The following RBFOX1 variants were observed in gnomAD, a reference collection of about 807,000 sequenced individuals.
RBFOX1 encodes the protein RNA binding fox-1 homolog 1.
In RBFOX1, 8 loss-of-function variants were observed where a neutral mutation model predicts 57.7. The ratio of observed to expected loss-of-function variants is 0.14; its 90% CI spans 0.08 to 0.25. The LOEUF (loss-of-function observed/expected upper bound fraction) is 0.25, where lower values mean the gene tolerates loss of function less well. RBFOX1 is among the 10% of genes least tolerant of loss of function. The probability of loss-of-function intolerance (pLI) is 1.00; values close to 1 mark genes in which losing one functional copy is unlikely to be tolerated. For missense variants in RBFOX1, 611 were observed against 548.5 expected (o/e 1.11, Z -1.14); for synonymous variants, 326 against 222.4 (o/e 1.47, Z -4.15).
At chr16:7,462,912 G>T (rs1376487766) in intron 4 of RBFOX1, among the ~76,000 whole-genome samples, 1 of 152,190 alleles carries the variant, frequency 6.6e-6, no homozygotes, top group East Asian at 1.9e-4. Flanking sequence ...CTCATTCCAT[G>T]AGACTGGGCC....
At chr16:6,465,884 T>TTGTGTGTGTGTGTG (rs111917166) in intron 2 of RBFOX1, among the ~76,000 whole-genome samples, 1,725 of 146,302 alleles carry the variant, frequency 0.012, 23 homozygotes, top group African/African-American at 0.036. Context: ...ATTTGTGTGT[T>TTGTGTGTGTGTGTG]TGTGTGTGTG....
intron 2 of RBFOX1, among the ~76,000 whole-genome samples, chr16:6,453,287 G>A (rs948690687): frequency 7.2e-4 from 110 of 152,040 alleles, no homozygotes; most frequent in Non-Finnish European, 2.9e-4. Context: ...GACAGGCCCC[G>A]GTGTGTGATG....
intron 1 of RBFOX1, among the ~76,000 whole-genome samples, chr16:6,094,676 C>T (rs1811528800): frequency 6.6e-6 from 1 of 152,190 alleles, no homozygotes; most frequent in Non-Finnish European, 1.5e-5. Flanking sequence ...ACAGGCATTG[C>T]ATCTTATCCT....
chr16:7,123,295 A>T (rs924329206), intron 4 of RBFOX1, among the ~76,000 whole-genome samples: 4 of 152,184 alleles, frequency 2.6e-5, no homozygotes, highest in African/African-American at 4.8e-5. Flanking sequence ...ATTCCTGGCA[A>T]ACATTACACA....
chr16:5,476,025 A>T (rs1427362708), intron 2 of RBFOX1, among the ~76,000 whole-genome samples: 1 of 152,080 alleles, frequency 6.6e-6, no homozygotes, highest in Non-Finnish European at 1.5e-5. Context: ...TATTTATACC[A>T]AGCAGCTCAT....
Position 5,942,208 on chromosome 16 carries a change from A to G in RBFOX1, c.351+74873A>G, listed in dbSNP as rs145636249. 1.0e-2 allele frequency among the ~76,000 whole-genome samples: 1,515 copies of G among 152,190 alleles called. 33 individuals carry two copies. Among genetic ancestry groups the G allele is most frequent in the African/African-American group, 0.035 (1,436 of 41,532 alleles). Reference sequence around the variant, plus strand: ...TAAATGGGAGACTGGAGTTTTTTTTATTACTCAAAGCAGCCTCTCCATAGT... The same window carrying G: ...TAAATGGGAGACTGGAGTTTTTTTTGTTACTCAAAGCAGCCTCTCCATAGT... On this transcript the variant is annotated intron_variant, in intron 4 of 19. Coordinates refer to the RBFOX1 transcript ENST00000641259.
intron 4 of RBFOX1, among the ~76,000 whole-genome samples, chr16:7,056,277 C>T (rs2052228923): frequency 6.6e-6 from 1 of 152,192 alleles, no homozygotes; most frequent in Non-Finnish European, 1.5e-5. Context: ...TTGTTACGCA[C>T]ACTACACAAC....
chr16:6,502,613 T>A (rs1217260087), intron 2 of RBFOX1, among the ~76,000 whole-genome samples: 1 of 152,076 alleles, frequency 6.6e-6, no homozygotes, highest in African/African-American at 2.4e-5. Flanking sequence ...GAGGGAGAGG[T>A]GCCATCCATG....
intron 4 of RBFOX1, among the ~76,000 whole-genome samples, chr16:7,076,813 C>T (rs1159067463): frequency 1.3e-5 from 2 of 152,164 alleles, no homozygotes; most frequent in African/African-American, 4.8e-5. Context: ...ACTCATATAC[C>T]TCCTGTGAGC....
intron 2 of RBFOX1, among the ~76,000 whole-genome samples, chr16:6,547,548 A>G (rs923443249): frequency 6.6e-6 from 1 of 152,102 alleles, no homozygotes; most frequent in African/African-American, 2.4e-5. Flanking sequence ...TATTCATGAA[A>G]TCTTCCTCCT....
chr16:5,401,753 C>G (rs975902375), intron 1 of RBFOX1, among the ~76,000 whole-genome samples: 1 of 131,148 alleles, frequency 7.6e-6, no homozygotes, highest in Admixed American at 7.6e-5. Context: ...CTCTCTCTCT[C>G]TCCCTGTCTC....
rs2058307856 is a variant in RBFOX1 at position 7,076,408 on chromosome 16, G to T, written c.27+24310G>T. On this transcript the variant is annotated intron_variant, in intron 4 of 15. Transcript: ENST00000550418. Reference sequence around the variant, plus strand: ...CGAGTCTTTGTCAAAACCAGCAAAAGAAAAGACCAAGAAGAGTCCCATGCT... The same window carrying T: ...CGAGTCTTTGTCAAAACCAGCAAAATAAAAGACCAAGAAGAGTCCCATGCT... 2.0e-5 allele frequency among the ~76,000 whole-genome samples: 3 copies of T among 151,918 alleles called. No individual in the cohort carries two copies. The South Asian group carries it at 6.3e-4, about 32-fold the overall frequency.
intron 2 of RBFOX1, among the ~76,000 whole-genome samples, chr16:6,321,466 G>A (rs1349061908): frequency 6.6e-6 from 1 of 152,144 alleles, no homozygotes; most frequent in East Asian, 1.9e-4. Flanking sequence ...TGTTCCATAT[G>A]TTCTGCTTCC....
At chr16:5,999,579 C>T (rs913395617) in intron 4 of RBFOX1, among the ~76,000 whole-genome samples, 11 of 152,124 alleles carry the variant, frequency 7.2e-5, no homozygotes, top group South Asian at 6.2e-4. Context: ...CCGCTGGGTG[C>T]GGCTGGGCTT....
chr16:6,966,578 C>T (rs574791790), intron 3 of RBFOX1, among the ~76,000 whole-genome samples: 12 of 151,942 alleles, frequency 7.9e-5, no homozygotes, highest in African/African-American at 2.4e-4. Flanking sequence ...ATGGAAGATA[C>T]GTTAGTTAAA....
chr16:5,597,913 C>T (rs1013906783), intron 2 of RBFOX1, among the ~76,000 whole-genome samples: 6 of 152,208 alleles, frequency 3.9e-5, no homozygotes, highest in African/African-American at 1.4e-4. Context: ...ATCCGTCAGC[C>T]TCTCTTTTGC....
In RBFOX1 at chr16:6,635,355, A is replaced by T. The variant is rs2098423122; in HGVS notation, c.-63-19248A>T. Among the ~76,000 whole-genome samples, 3 of 152,140 alleles carry T rather than the reference A, an allele frequency of 2.0e-5. No homozygotes were observed. In the South Asian group the frequency reaches 6.2e-4, roughly 31 times the overall value. On this transcript the variant is annotated intron_variant, in intron 2 of 15. Coordinates refer to ENST00000550418, the MANE Select transcript of RBFOX1 (RefSeq NM_018723.4). ...ATATTGTATAAAATGCCCTGTAAAT[A>T]TAAGTACAAGTGAAATCATTTCCAC...
chr16:5,526,221 C>T (rs1449432033), intron 2 of RBFOX1, among the ~76,000 whole-genome samples: 1 of 152,112 alleles, frequency 6.6e-6, no homozygotes, highest in African/African-American at 2.4e-5. Context: ...GTAGTTTGCC[C>T]TCCTTTCCAA....
At chr16:6,658,930 T>TTTTTTTTG (rs1490938529) in intron 3 of RBFOX1, among the ~76,000 whole-genome samples, 1 of 139,722 alleles carries the variant, frequency 7.2e-6, no homozygotes, top group Non-Finnish European at 1.5e-5. Context: ...GTTTTTTGGT[T>TTTTTTTTG]TTTTTGTTTT....
Sources: gnomAD v4.1 joint callset for allele counts (sites outside exome capture counted in the v4.1 genomes callset) on GRCh38, gnomAD v4.1.1 for gene constraint, MANE v1.5 for transcripts, NCBI Gene and HGNC (gene_info 2026-07-23, HGNC 2026-07-21) for gene names.